The following CNNM2 variants were observed in gnomAD, a reference collection of about 807,000 sequenced individuals.
CNNM2 encodes metal transporter CNNM2.
A neutral mutation model predicts 66.9 loss-of-function variants in CNNM2; 12 were observed. The observed-to-expected ratio is 0.18, with a 90% confidence interval of 0.11 to 0.29. The LOEUF is 0.29. Among genes scored for constraint, CNNM2 ranks in the 10% least tolerant of loss-of-function variants. CNNM2 has a pLI of 1.00. For missense variants in CNNM2, 705 were observed against 1,167.7 expected (o/e 0.60, Z 5.77); for synonymous variants, 557 against 501.8 (o/e 1.11, Z -1.47).
chr10:102,928,492 G>C (rs1845954154), intron 1 of CNNM2, among the ~76,000 whole-genome samples: 1 of 150,998 alleles, frequency 6.6e-6, no homozygotes, highest in African/African-American at 2.4e-5. Context: ...TGAGGGAGGA[G>C]AATCTCTTGA....
At chr10:103,018,548 A>G (rs974669710) in intron 1 of CNNM2, among the ~76,000 whole-genome samples, 3 of 152,100 alleles carry the variant, frequency 2.0e-5, no homozygotes, top group African/African-American at 7.2e-5. Flanking sequence ...AAGAAAAGAG[A>G]TCCAAAAGTG....
intron 1 of CNNM2, among the ~76,000 whole-genome samples, chr10:102,932,507 A>G (rs1393849235): frequency 2.0e-5 from 3 of 152,290 alleles, no homozygotes; most frequent in East Asian, 1.9e-4. Flanking sequence ...GTTTTTATAT[A>G]TGGTGTGAGG....
intron 1 of CNNM2, among the ~76,000 whole-genome samples, chr10:102,998,740 G>A (rs897726328): frequency 3.9e-5 from 6 of 152,130 alleles, no homozygotes; most frequent in African/African-American, 1.4e-4. Flanking sequence ...CTCTTTGGGA[G>A]GCAAAGCCAG....
At chr10:103,056,739 T>C (rs749774601) in intron 3 of CNNM2, 56 bp from the exon 4 acceptor site, 2 of 1,479,978 alleles carry the variant, frequency 1.4e-6, no homozygotes, top group African/African-American at 1.4e-5. Flanking sequence ...CTATTAATAG[T>C]ATAATTTTTC....
chr10:103,032,115 T>G (rs1207370540), intron 1 of CNNM2, among the ~76,000 whole-genome samples: 2 of 152,164 alleles, frequency 1.3e-5, no homozygotes. Context: ...CCTATTCCCC[T>G]TGATCCCTGG....
Position 103,085,839 on chromosome 10 carries a change from T to G in CNNM2, c.*8659T>G, listed in dbSNP as rs563932327. On this transcript the variant is annotated 3_prime_UTR_variant, in exon 8 of 8. Coordinates refer to ENST00000369878, the MANE Select transcript of CNNM2 (RefSeq NM_017649.5). ...CCTTTGTTGGAATGAATCAGACTGTTGTGGCCTTGGGATGAAGACATTGTG... is the reference window on the plus strand; with the variant it reads ...CCTTTGTTGGAATGAATCAGACTGTGGTGGCCTTGGGATGAAGACATTGTG... The G allele has an allele frequency of 2.6e-5, 4 of 152,302 alleles. No homozygotes were observed. In the South Asian group the frequency reaches 8.3e-4, roughly 32 times the overall value. 9.4% of individuals were successfully genotyped at this position (152,302 alleles called of 1,614,324 possible).
intron 1 of CNNM2, among the ~76,000 whole-genome samples, chr10:102,950,981 C>CT (rs34870588): frequency 0.027 from 2,207 of 80,394 alleles, 23 homozygotes; most frequent in Non-Finnish European, 0.031. Flanking sequence ...CTTTCTTTCT[C>CT]TTTTTTTTTT....
intron 3 of CNNM2, among the ~76,000 whole-genome samples, chr10:103,055,341 G>A (rs1192196013): frequency 6.6e-6 from 1 of 152,184 alleles, no homozygotes; most frequent in East Asian, 1.9e-4. Flanking sequence ...GCAACCACAT[G>A]GTGGAATGCT....
chr10:103,026,462 A>G (rs979623255), intron 1 of CNNM2, among the ~76,000 whole-genome samples: 1 of 152,024 alleles, frequency 6.6e-6, no homozygotes, highest in Non-Finnish European at 1.5e-5. Flanking sequence ...TTAGCTGGGC[A>G]TGGTTGCACA....
Position 103,079,013 on chromosome 10 carries a change from A to C in CNNM2, c.*1833A>C, listed in dbSNP as rs571981109. ...CTTAGTGGGGGGAAGTACTGATCTCACTTGGTGTAGAGGGTCACAGGGACC... is the reference window on the plus strand; with the variant it reads ...CTTAGTGGGGGGAAGTACTGATCTCCCTTGGTGTAGAGGGTCACAGGGACC... On this transcript the variant is annotated 3_prime_UTR_variant, in exon 8 of 8. Transcript: ENST00000369878. 8 of 152,288 alleles carry C rather than the reference A, an allele frequency of 5.3e-5. No individual in the cohort carries two copies. Among genetic ancestry groups the C allele is most frequent in the African/African-American group, 1.9e-4 (8 of 41,514 alleles). The allele number at this position is 152,288 out of a possible 1,614,324, so 9.4% of individuals were successfully genotyped here.
intron 1 of CNNM2, among the ~76,000 whole-genome samples, chr10:102,937,839 G>T (rs1287733490): frequency 4.6e-5 from 7 of 150,800 alleles, no homozygotes; most frequent in Admixed American, 4.6e-4. Flanking sequence ...TGCCCAGGCT[G>T]GTCTCAAACT....
Position 102,981,033 on chromosome 10 carries a change from A to G in CNNM2, c.1621+60932A>G, listed in dbSNP as rs1363662372. ...CTGGCTCTGTACTGCTGTTGCCCTG[A>G]ATCTTACCTTCACAAATTAAGAATT... On this transcript the variant is annotated intron_variant, in intron 1 of 7. Transcript: ENST00000369878. Among the ~76,000 whole-genome samples the G allele has an allele frequency of 4.6e-5, 7 of 152,134 alleles. No individual in the cohort carries two copies. The East Asian group carries it at 1.4e-3, about 29-fold the overall frequency.
intron 1 of CNNM2, among the ~76,000 whole-genome samples, chr10:103,025,152 C>T (rs534573211): frequency 2.6e-5 from 4 of 152,128 alleles, no homozygotes; most frequent in African/African-American, 4.8e-5. Context: ...AGTGCAGTGG[C>T]GTGATCTCCG....
intron 1 of CNNM2, among the ~76,000 whole-genome samples, chr10:103,018,104 G>T (rs1042952450): frequency 7.9e-5 from 12 of 152,030 alleles, no homozygotes; most frequent in Non-Finnish European, 1.0e-4. Flanking sequence ...CTTTAGAAAA[G>T]ATTACTTTGG....
chr10:103,033,892 G>A (rs2064878597), intron 1 of CNNM2, among the ~76,000 whole-genome samples: 1 of 152,188 alleles, frequency 6.6e-6, no homozygotes, highest in Non-Finnish European at 1.5e-5. Flanking sequence ...AAAGTTGTTT[G>A]CATCTTTTTT....
At chr10:102,965,453 C>G (rs989862607) in intron 1 of CNNM2, among the ~76,000 whole-genome samples, 1 of 152,154 alleles carries the variant, frequency 6.6e-6, no homozygotes, top group Non-Finnish European at 1.5e-5. Context: ...TGTCGTTGTG[C>G]GCCTCCTTCC....
chr10:102,920,747 AGTT>A (rs1275695896), intron 1 of CNNM2, among the ~76,000 whole-genome samples: 10 of 152,282 alleles, frequency 6.6e-5, no homozygotes, highest in Admixed American at 1.3e-4. Flanking sequence ...GCTAGAAAAG[AGTT>A]GTTGTTGTTG....
At chr10:102,939,769 A>G (rs2134176728) in intron 1 of CNNM2, among the ~76,000 whole-genome samples, 1 of 152,234 alleles carries the variant, frequency 6.6e-6, no homozygotes, top group East Asian at 1.9e-4. Flanking sequence ...TCAGGAGTTC[A>G]AGATCAGCAT....
chr10:102,923,540 C>A (rs964077763), intron 1 of CNNM2, among the ~76,000 whole-genome samples: 2 of 152,092 alleles, frequency 1.3e-5, no homozygotes, highest in Non-Finnish European at 2.9e-5. Context: ...TTTGACATTT[C>A]TATTTTACTG....
Sources: allele counts gnomAD v4.1 joint callset (sites outside exome capture counted in the v4.1 genomes callset), GRCh38; gene constraint gnomAD v4.1.1; transcripts MANE v1.5; gene names NCBI Gene and HGNC (gene_info 2026-07-23, HGNC 2026-07-21).